KSR2: variants seen among roughly 807,000 people sequenced by gnomAD.
The protein encoded by KSR2 is kinase suppressor of ras 2.
Under a neutral mutation model 107.8 loss-of-function variants are expected in KSR2, and 25 were observed. The observed-to-expected ratio is 0.23, with a 90% CI of 0.17 to 0.32. The LOEUF is 0.32. Ranked by LOEUF, KSR2 falls within the 10% of genes least tolerant of loss-of-function variation. The pLI is 1.00. For synonymous variants in KSR2, 480 were observed against 507.0 expected (o/e 0.95, Z 0.71); for missense variants, 887 against 1,268.9 (o/e 0.70, Z 4.57).
At chr12:117,770,412 C>T (rs1889397154) in intron 3 of KSR2, among the ~76,000 whole-genome samples, 1 of 152,070 alleles carries the variant, frequency 6.6e-6, no homozygotes, top group African/African-American at 2.4e-5. Flanking sequence ...CGATTCTCTC[C>T]CAGAGCCTTT....
intron 5 of KSR2, among the ~76,000 whole-genome samples, chr12:117,589,455 C>T (rs974115725): frequency 7.2e-5 from 11 of 152,314 alleles, no homozygotes; most frequent in African/African-American, 2.6e-4. Flanking sequence ...CTCAGAAATA[C>T]CACAAAGGAA....
intron 3 of KSR2, among the ~76,000 whole-genome samples, chr12:117,796,910 C>T (rs895188218): frequency 2.7e-4 from 41 of 152,200 alleles, no homozygotes; most frequent in African/African-American, 9.7e-4. Flanking sequence ...CCCAAAGTTT[C>T]TTAATTCCCC....
intron 5 of KSR2, among the ~76,000 whole-genome samples, chr12:117,641,240 G>C (rs1883340445): frequency 1.3e-5 from 2 of 152,172 alleles, no homozygotes; most frequent in South Asian, 4.1e-4. Context: ...GGGATTACAG[G>C]CGTGTGCCAC....
At chr12:117,816,218 T>C (rs115649706) in intron 3 of KSR2, among the ~76,000 whole-genome samples, 2 of 152,096 alleles carry the variant, frequency 1.3e-5, no homozygotes, top group African/African-American at 4.8e-5. Flanking sequence ...CAGGTTCTGT[T>C]GGATCACACA....
At chr12:117,719,739 C>T (rs1331601299) in intron 4 of KSR2, among the ~76,000 whole-genome samples, 1 of 152,182 alleles carries the variant, frequency 6.6e-6, no homozygotes, top group Admixed American at 6.5e-5. Context: ...GCAAAATGAA[C>T]ATGCATTAAT....
At chr12:117,940,660 ATT>A (rs1895980038) in intron 1 of KSR2, among the ~76,000 whole-genome samples, 1 of 152,238 alleles carries the variant, frequency 6.6e-6, no homozygotes, top group Non-Finnish European at 1.5e-5. Context: ...ATTAAAATAA[ATT>A]TTTGTTTGTT....
intron 1 of KSR2, among the ~76,000 whole-genome samples, chr12:117,861,334 TC>T (rs1893281439): frequency 6.6e-6 from 1 of 151,308 alleles, no homozygotes; most frequent in East Asian, 1.9e-4. Flanking sequence ...CCTGTGTATA[TC>T]TTTGTAAATA....
intron 17 of KSR2, among the ~76,000 whole-genome samples, chr12:117,475,104 A>T (rs946362062): frequency 6.6e-6 from 1 of 152,102 alleles, no homozygotes; most frequent in African/African-American, 2.4e-5. Flanking sequence ...TGTATTGGAC[A>T]CCCGGCCCCC....
At chr12:117,776,000 G>A (rs1889672580) in intron 3 of KSR2, among the ~76,000 whole-genome samples, 1 of 152,110 alleles carries the variant, frequency 6.6e-6, no homozygotes, top group African/African-American at 2.4e-5. Context: ...TACTGCTCGG[G>A]TGATGAGCGC....
At position 117,555,057 on chromosome 12, in the gene KSR2, G is replaced by C. The variant is rs553139917; in HGVS notation, c.1518+112C>G. The C allele has an allele frequency of 2.3e-5, 30 of 1,312,098 alleles. 1 individual carries two copies. Among genetic ancestry groups the C allele is most frequent in the Admixed American group, 6.0e-5 (3 of 49,590 alleles). 81.3% of individuals were successfully genotyped at this position (1,312,098 alleles called of 1,614,324 possible). ...CAAACATCACAGAATTAGGGGAGCC[G>C]AGACGGGCTAGGAGGGAGCGCCATA... is the stretch of plus-strand genomic sequence containing the variant. On this transcript the variant is annotated intron_variant, in intron 9 of 19. Coordinates refer to ENST00000339824, the MANE Select transcript of KSR2 (RefSeq NM_173598.6).
chr12:117,890,357 C>T (rs969105109), intron 1 of KSR2, among the ~76,000 whole-genome samples: 6 of 152,158 alleles, frequency 3.9e-5, no homozygotes, highest in African/African-American at 1.4e-4. Context: ...GGCTTTAGAG[C>T]CCAGCCACAT....
At chr12:117,945,412 C>T (rs1469675042) in intron 1 of KSR2, among the ~76,000 whole-genome samples, 2 of 152,184 alleles carry the variant, frequency 1.3e-5, no homozygotes, top group Non-Finnish European at 2.9e-5. Context: ...CAGTGACTCA[C>T]AACTGTAATC....
At chr12:117,802,618 C>T (rs967971991) in intron 3 of KSR2, among the ~76,000 whole-genome samples, 11 of 152,148 alleles carry the variant, frequency 7.2e-5, no homozygotes, top group Non-Finnish European at 1.3e-4. Flanking sequence ...GAGGATGACA[C>T]CAGGAATAGA....
At chr12:117,724,361 C>T (rs1234071884) in intron 4 of KSR2, among the ~76,000 whole-genome samples, 1 of 151,334 alleles carries the variant, frequency 6.6e-6, no homozygotes, top group Non-Finnish European at 1.5e-5. Context: ...CAAACTATAC[C>T]TAAAAATAAG....
intron 1 of KSR2, among the ~76,000 whole-genome samples, chr12:117,929,921 TTGG>T (rs1220008238): frequency 2.6e-5 from 4 of 152,214 alleles, no homozygotes; most frequent in Admixed American, 2.0e-4. Flanking sequence ...TGAAAAACTT[TTGG>T]TGATGATGTG....
intron 3 of KSR2, among the ~76,000 whole-genome samples, chr12:117,818,836 C>A (rs531758907): frequency 2.3e-4 from 35 of 152,180 alleles, no homozygotes; most frequent in Non-Finnish European, 4.7e-4. Context: ...ATCTGAAAAT[C>A]CTGCCCAATG....
intron 3 of KSR2, among the ~76,000 whole-genome samples, chr12:117,826,284 C>T (rs967448007): frequency 6.6e-6 from 1 of 152,070 alleles, no homozygotes; most frequent in Non-Finnish European, 1.5e-5. Flanking sequence ...AGAAGATGTA[C>T]ACCCTCCCAG....
intron 9 of KSR2, among the ~76,000 whole-genome samples, chr12:117,543,434 T>C (rs987827484): frequency 2.6e-5 from 4 of 152,232 alleles, no homozygotes; most frequent in African/African-American, 9.6e-5. Context: ...TCTTGATGAC[T>C]GTATCTATAT....
chr12:117,894,758 T>G, intron 1 of KSR2, among the ~76,000 whole-genome samples: 1 of 124,976 alleles, frequency 8.0e-6, no homozygotes, highest in South Asian at 3.1e-4. Context: ...CCTCTCCCTC[T>G]CTCACTCTGG....
Sources: gnomAD v4.1 joint callset for allele counts (sites outside exome capture counted in the v4.1 genomes callset) on GRCh38, gnomAD v4.1.1 for gene constraint, MANE v1.5 for transcripts, NCBI Gene and HGNC (gene_info 2026-07-23, HGNC 2026-07-21) for gene names.